The following DPYSL3 variants were observed in gnomAD, a reference collection of about 807,000 sequenced individuals.
The protein encoded by DPYSL3 is dihydropyrimidinase like 3, also known as dihydropyrimidinase-related protein 3.
Under a neutral mutation model 66.1 loss-of-function variants are expected in DPYSL3, and 16 were observed. The ratio of observed to expected loss-of-function variants is 0.24; its 90% CI spans 0.16 to 0.37. DPYSL3 has a LOEUF of 0.37. Ranked by LOEUF, DPYSL3 falls within the 10% of genes least tolerant of loss-of-function variation. The pLI is 1.00. For missense variants in DPYSL3, 738 were observed against 916.2 expected (o/e 0.81, Z 2.51); for synonymous variants, 338 against 345.1 (o/e 0.98, Z 0.23).
chr5:147,497,199 A>G (rs1233016170), intron 1 of DPYSL3, among the ~76,000 whole-genome samples: 2 of 147,956 alleles, frequency 1.4e-5, no homozygotes, highest in South Asian at 2.3e-4. Context: ...GAATTGAACA[A>G]TAAGAACACA....
intron 1 of DPYSL3, among the ~76,000 whole-genome samples, chr5:147,461,816 C>T (rs1053596884): frequency 6.6e-6 from 1 of 152,088 alleles, no homozygotes; most frequent in Admixed American, 6.6e-5. Flanking sequence ...CACAGACTAC[C>T]ATTTATTAAT....
At chr5:147,414,019 C>A (rs1333014522) in intron 4 of DPYSL3, among the ~76,000 whole-genome samples, 1 of 152,212 alleles carries the variant, frequency 6.6e-6, no homozygotes, top group East Asian at 1.9e-4. Flanking sequence ...ACCCTGGGGG[C>A]TGCACCACTG....
rs1753721268 is a variant in DPYSL3, at chr5:147,509,130, A to G, written c.381+348T>C. ...GGGCAAGACAATTGTGCTGTTGGCT[A>G]CTAGAGAGAAGAGCTGGAAATCACT... is the stretch of plus-strand genomic sequence containing the variant. On this transcript the variant is annotated intron_variant, in intron 1 of 13. Transcript: ENST00000343218. This position sits in a 1 kb window ranked among gnomAD's most constrained non-coding sequence, Gnocchi z 5.3. Among the ~76,000 whole-genome samples the G allele has an allele frequency of 6.6e-6, 1 of 152,166 alleles. No homozygotes were observed. Among genetic ancestry groups the G allele is most frequent in the Admixed American group, 6.5e-5 (1 of 15,286 alleles).
chr5:147,505,776 T>A (rs1486624663), intron 1 of DPYSL3, among the ~76,000 whole-genome samples: 1 of 152,206 alleles, frequency 6.6e-6, no homozygotes, highest in Admixed American at 6.5e-5. Flanking sequence ...GTTTCCTGTG[T>A]AATGGGCTGG....
intron 1 of DPYSL3, among the ~76,000 whole-genome samples, chr5:147,433,696 G>T (rs1752356620): frequency 6.6e-6 from 1 of 152,102 alleles, no homozygotes; most frequent in South Asian, 2.1e-4. Context: ...TTACCTCACA[G>T]GGCTACTGTG....
At chr5:147,398,981 T>A in intron 11 of DPYSL3, 101 bp downstream of exon 11, 2 of 1,466,722 alleles carry the variant, frequency 1.4e-6, no homozygotes, top group East Asian at 2.3e-5. Context: ...CAACCCGTCC[T>A]AGTCTAACTA....
At chr5:147,440,135 T>C (rs1300568492) in intron 1 of DPYSL3, among the ~76,000 whole-genome samples, 1 of 152,112 alleles carries the variant, frequency 6.6e-6, no homozygotes, top group African/African-American at 2.4e-5. Context: ...ACCCCGTCTC[T>C]ACTAAAAATA....
chr5:147,488,042 A>C (rs958578623), intron 1 of DPYSL3, among the ~76,000 whole-genome samples: 4 of 152,096 alleles, frequency 2.6e-5, no homozygotes, highest in African/African-American at 9.7e-5. Context: ...TTTCCTTCTC[A>C]CTTAATATCC....
At chr5:147,401,808 CT>C in intron 8 of DPYSL3, 112 bp from the exon 9 acceptor site, 1 of 1,332,984 alleles carries the variant, frequency 7.5e-7, no homozygotes. Flanking sequence ...CAGAGTCAGA[CT>C]GACCTGGGTT....
rs750833562 is a variant in DPYSL3, at chr5:147,509,622, G to A, written c.237C>T (p.Pro79=). ...TGCGCGGGGTGTCCCCCTCGATCCC[G>A]GGCCGACTCCCCGATCCTCGGTCGC... ...QGSDRGSGSR[P]GIEGDTPRRG... Residue 79 remains proline (P), a synonymous_variant, in exon 1 of 14, where the codon CCC becomes CCT. Coordinates refer to ENST00000343218, the MANE Select transcript of DPYSL3 (RefSeq NM_001197294.2). The surrounding 1 kb of genome is among the most constrained non-coding windows in gnomAD (Gnocchi z 5.3). 102 of 1,535,572 alleles carry A rather than the reference G, an allele frequency of 6.6e-5. No homozygotes were observed. The African/African-American group carries it at 1.1e-3, about 17-fold the overall frequency.
chr5:147,416,330 G>A (rs567580268), intron 3 of DPYSL3, among the ~76,000 whole-genome samples: 52 of 152,220 alleles, frequency 3.4e-4, no homozygotes, highest in Middle Eastern at 3.4e-3. Flanking sequence ...TCTTCCAAGG[G>A]CGAAAGCGAG....
intron 1 of DPYSL3, among the ~76,000 whole-genome samples, chr5:147,505,854 C>G (rs1010399165): frequency 6.6e-6 from 1 of 152,122 alleles, no homozygotes; most frequent in African/African-American, 2.4e-5. Context: ...ATAATATTGA[C>G]ATGTCAGGAG....
At chr5:147,484,020 CTCTG>C (rs764449284) in intron 1 of DPYSL3, among the ~76,000 whole-genome samples, 1 of 152,164 alleles carries the variant, frequency 6.6e-6, no homozygotes, top group Non-Finnish European at 1.5e-5. Flanking sequence ...AGGTCTGTCT[CTCTG>C]TCTGTCTGTC....
chr5:147,476,558 A>G (rs1401615143), intron 1 of DPYSL3, among the ~76,000 whole-genome samples: 1 of 152,176 alleles, frequency 6.6e-6, no homozygotes, highest in Non-Finnish European at 1.5e-5. Flanking sequence ...AGGAAAAGAG[A>G]TGAACCCCTT....
At chr5:147,439,801 TAC>T (rs1286904122) in intron 1 of DPYSL3, among the ~76,000 whole-genome samples, 1 of 152,208 alleles carries the variant, frequency 6.6e-6, no homozygotes, top group Non-Finnish European at 1.5e-5. Flanking sequence ...ACAGCTAATA[TAC>T]AGTTAGCTGG....
At chr5:147,446,630 A>T (rs1207624316) in intron 1 of DPYSL3, among the ~76,000 whole-genome samples, 1 of 152,234 alleles carries the variant, frequency 6.6e-6, no homozygotes, top group African/African-American at 2.4e-5. Context: ...TGGGAAGAAG[A>T]CAGGGATAGA....
At chr5:147,454,781 C>T (rs1752815519) in intron 1 of DPYSL3, among the ~76,000 whole-genome samples, 2 of 152,242 alleles carry the variant, frequency 1.3e-5, no homozygotes, top group South Asian at 2.1e-4. Flanking sequence ...CATGGCCCTT[C>T]GGCGATGGAA....
chr5:147,414,742 G>T (rs1751927626), intron 4 of DPYSL3, among the ~76,000 whole-genome samples: 2 of 152,210 alleles, frequency 1.3e-5, no homozygotes, highest in East Asian at 1.9e-4. Context: ...AGATTTTGCA[G>T]GGCTTGTGGG....
At chr5:147,486,291 G>A (rs1487829309) in intron 1 of DPYSL3, among the ~76,000 whole-genome samples, 4 of 152,106 alleles carry the variant, frequency 2.6e-5, no homozygotes, top group Non-Finnish European at 4.4e-5. Flanking sequence ...ACTTAAAATG[G>A]TTAAAAAGGT....
Sources: gnomAD v4.1 joint callset for allele counts (sites outside exome capture counted in the v4.1 genomes callset) on GRCh38, gnomAD v4.1.1 for gene constraint, Gnocchi (gnomAD v3.1) non-coding constraint, MANE v1.5 for transcripts, NCBI Gene and HGNC (gene_info 2026-07-23, HGNC 2026-07-21) for gene names.